DTWD2: variants seen among roughly 807,000 people sequenced by gnomAD.
The protein encoded by DTWD2 is DTW motif tRNA-uridine aminocarboxypropyltransferase 2.
Under a neutral mutation model 31.8 loss-of-function variants are expected in DTWD2, and 39 were observed. That is an observed-to-expected ratio of 1.22 (90% CI 0.95 to 1.60). The LOEUF is 1.60. Ranked by LOEUF, DTWD2 falls within the 40% of genes most tolerant of loss-of-function variation. The probability of loss-of-function intolerance (pLI) is 0.00; values close to 1 mark genes in which losing one functional copy is unlikely to be tolerated. For missense variants in DTWD2, 515 were observed against 381.5 expected, an observed-to-expected ratio of 1.35 and a Z score of -2.92; for synonymous variants, 180 against 142.8, an observed-to-expected ratio of 1.26 and a Z score of -1.86.
chr5:118,852,683 C>T (rs913801695), intron 4 of DTWD2, among the ~76,000 whole-genome samples: 2 of 151,492 alleles, frequency 1.3e-5, no homozygotes, highest in African/African-American at 4.9e-5. Flanking sequence ...AAATTAAAAC[C>T]GAACTATCAA....
At chr5:118,972,081 C>G (rs1755000590) in intron 1 of DTWD2, among the ~76,000 whole-genome samples, 1 of 151,780 alleles carries the variant, frequency 6.6e-6, no homozygotes, top group Admixed American at 6.6e-5. Flanking sequence ...CAAGACCAAA[C>G]AAACTCCAAA....
chr5:118,972,679 A>C (rs1021168367), intron 1 of DTWD2, among the ~76,000 whole-genome samples: 7 of 152,180 alleles, frequency 4.6e-5, no homozygotes, highest in African/African-American at 1.4e-4. Context: ...AAACATAAAA[A>C]ATTGCCCTCC....
rs139011226 is a variant in DTWD2 at position 118,931,051 on chromosome 5, A to G, written c.405-2322T>C. Among the ~76,000 whole-genome samples the G allele has an allele frequency of 1.6e-3, 247 of 152,188 alleles. 1 individual carries two copies. Among genetic ancestry groups the G allele is most frequent in the African/African-American group, 5.6e-3 (232 of 41,514 alleles). On this transcript the variant is annotated intron_variant, in intron 3 of 5. Coordinates refer to ENST00000510708, the MANE Select transcript of DTWD2 (RefSeq NM_173666.4). ...TGGTATGTGAATTACATCTCAATAA[A>G]GCCCTTTTGAAAAAAAAAAGGGATG...
chr5:118,965,108 G>GTATCCAACAGCTC (rs1561474081), intron 1 of DTWD2, among the ~76,000 whole-genome samples: 1 of 151,886 alleles, frequency 6.6e-6, no homozygotes. Context: ...TCTGGGAGGT[G>GTATCCAACAGCTC]AGGAGCGTCT....
intron 4 of DTWD2, among the ~76,000 whole-genome samples, chr5:118,923,906 A>G (rs533785633): frequency 6.6e-6 from 1 of 152,174 alleles, no homozygotes. Context: ...ACACTGGAAC[A>G]TGTTAGACAA....
At chr5:118,939,385 A>G (rs1274378236) in intron 2 of DTWD2, 95 bp from the exon 3 acceptor site, 16 of 1,089,022 alleles carry the variant, frequency 1.5e-5, no homozygotes, top group Middle Eastern at 3.1e-4. Context: ...AACTTTATGC[A>G]TAACTTTCAC....
At chr5:118,841,739 G>C (rs1357803161) in intron 5 of DTWD2, among the ~76,000 whole-genome samples, 2 of 151,722 alleles carry the variant, frequency 1.3e-5, no homozygotes, top group East Asian at 3.9e-4. Flanking sequence ...AATACAACTG[G>C]AGTATACGCT....
chr5:118,958,301 A>T (rs1754632712), intron 1 of DTWD2, among the ~76,000 whole-genome samples: 1 of 151,962 alleles, frequency 6.6e-6, no homozygotes, highest in Non-Finnish European at 1.5e-5. Flanking sequence ...AAAAATACAA[A>T]AACAAAATGA....
chr5:118,899,369 T>G (rs931462474), intron 4 of DTWD2, among the ~76,000 whole-genome samples: 2 of 152,228 alleles, frequency 1.3e-5, no homozygotes, highest in African/African-American at 4.8e-5. Context: ...AAGGCCATGT[T>G]GTACTGCTTG....
chr5:118,867,676 T>C (rs1160460906), intron 4 of DTWD2, among the ~76,000 whole-genome samples: 1 of 152,148 alleles, frequency 6.6e-6, no homozygotes, highest in Admixed American at 6.5e-5. Context: ...ACCTAAAATG[T>C]CTTAATTGAT....
At chr5:118,892,859 C>A (rs1167816345) in intron 4 of DTWD2, among the ~76,000 whole-genome samples, 1 of 151,922 alleles carries the variant, frequency 6.6e-6, no homozygotes, top group African/African-American at 2.4e-5. Flanking sequence ...TTTGTCAGGG[C>A]AAACATTAGA....
intron 4 of DTWD2, among the ~76,000 whole-genome samples, chr5:118,890,073 C>T (rs1192982240): frequency 2.6e-5 from 4 of 152,138 alleles, no homozygotes; most frequent in African/African-American, 9.7e-5. Flanking sequence ...CAGAAGCCAT[C>T]TGAAGTGTTT....
chr5:118,949,320 G>A (rs1754407547), intron 1 of DTWD2, among the ~76,000 whole-genome samples: 1 of 152,166 alleles, frequency 6.6e-6, no homozygotes, highest in Non-Finnish European at 1.5e-5. Flanking sequence ...GTCAGTCCAA[G>A]TGAAAGCAAA....
At chr5:118,887,050 A>G (rs1752882618) in intron 4 of DTWD2, among the ~76,000 whole-genome samples, 6 of 152,338 alleles carry the variant, frequency 3.9e-5, no homozygotes, top group Admixed American at 3.3e-4. Flanking sequence ...AGTTAGAGGA[A>G]AGCAATTTGA....
chr5:118,948,542 G>C (rs1490938254), intron 1 of DTWD2, among the ~76,000 whole-genome samples: 5 of 152,104 alleles, frequency 3.3e-5, no homozygotes, highest in Non-Finnish European at 7.4e-5. Flanking sequence ...ATGAAATATG[G>C]GGAAATGGAG....
chr5:118,923,534 G>T (rs1336225320), intron 4 of DTWD2, among the ~76,000 whole-genome samples: 1 of 152,132 alleles, frequency 6.6e-6, no homozygotes, highest in East Asian at 1.9e-4. Context: ...CTGCGCATGC[G>T]GGAAACCCAC....
intron 4 of DTWD2, among the ~76,000 whole-genome samples, chr5:118,891,315 A>G (rs897132940): frequency 6.6e-6 from 1 of 152,100 alleles, no homozygotes; most frequent in African/African-American, 2.4e-5. Flanking sequence ...AGGCAGTTTT[A>G]CCCACGATGC....
At position 118,847,231 on chromosome 5, in the gene DTWD2, G is replaced by A. The variant is rs114948927; in HGVS notation, c.726+859C>T. ...CATAACTGTAACCATAATGGATAATGAGAAAGAAAGAAGGCAGGAAAGAGT... is the reference window on the plus strand; with the variant it reads ...CATAACTGTAACCATAATGGATAATAAGAAAGAAAGAAGGCAGGAAAGAGT... On this transcript the variant is annotated intron_variant, in intron 5 of 5. Coordinates refer to ENST00000510708, the MANE Select transcript of DTWD2 (RefSeq NM_173666.4). Among the ~76,000 whole-genome samples the A allele has an allele frequency of 3.0e-3, 457 of 152,142 alleles. 2 individuals are homozygous for A. The highest frequency in any genetic ancestry group is 0.011 in the African/African-American group (437 of 41,524).
intron 1 of DTWD2, among the ~76,000 whole-genome samples, chr5:118,964,811 C>T (rs1172085927): frequency 6.6e-6 from 1 of 152,208 alleles, no homozygotes; most frequent in African/African-American, 2.4e-5. Context: ...TCCCAGCCGC[C>T]TGCCTTGGCC....
Sources: gnomAD v4.1 joint callset for allele counts (sites outside exome capture counted in the v4.1 genomes callset) on GRCh38, gnomAD v4.1.1 for gene constraint, MANE v1.5 for transcripts, NCBI Gene and HGNC (gene_info 2026-07-23, HGNC 2026-07-21) for gene names.